Variants in HS6ST3 observed in about 807,000 individuals in gnomAD.
The protein encoded by HS6ST3 is heparan-sulfate 6-O-sulfotransferase 3.
HS6ST3 carries 12 observed loss-of-function variants against 36.7 expected under a neutral mutation model. That is an observed-to-expected ratio of 0.33 (90% CI 0.21 to 0.53). The LOEUF (loss-of-function observed/expected upper bound fraction) is 0.53, where lower values mean the gene tolerates loss of function less well. HS6ST3 is among the 20% of genes least tolerant of loss of function. HS6ST3 has a pLI of 0.95. For missense variants in HS6ST3, 584 were observed against 640.9 expected, an observed-to-expected ratio of 0.91 and a Z score of 0.96; for synonymous variants, 240 against 257.5, an observed-to-expected ratio of 0.93 and a Z score of 0.65.
At chr13:96,652,987 G>C (rs1290118802) in intron 1 of HS6ST3, among the ~76,000 whole-genome samples, 1 of 151,994 alleles carries the variant, frequency 6.6e-6, no homozygotes, top group African/African-American at 2.4e-5. Context: ...ATGGTTGACT[G>C]TTTGTTCTCC....
intron 1 of HS6ST3, among the ~76,000 whole-genome samples, chr13:96,616,723 T>C (rs754761340): frequency 2.0e-5 from 3 of 152,228 alleles, no homozygotes; most frequent in Admixed American, 1.3e-4. Flanking sequence ...ATCTCTGAGG[T>C]AACTTATTAG....
At chr13:96,147,359 T>A (rs913494840) in intron 1 of HS6ST3, among the ~76,000 whole-genome samples, 1 of 152,216 alleles carries the variant, frequency 6.6e-6, no homozygotes, top group Non-Finnish European at 1.5e-5. Flanking sequence ...AGAGGTTCCC[T>A]GGTTTTGGTT....
chr13:96,706,088 T>G (rs907176990), intron 1 of HS6ST3, among the ~76,000 whole-genome samples: 2 of 152,290 alleles, frequency 1.3e-5, no homozygotes, highest in South Asian at 2.1e-4. Flanking sequence ...AAACATAATC[T>G]TAAGTTGTCT....
chr13:96,133,327 TATGTTGG>T (rs2053985271), intron 1 of HS6ST3, among the ~76,000 whole-genome samples: 1 of 152,060 alleles, frequency 6.6e-6, no homozygotes, highest in Non-Finnish European at 1.5e-5. Flanking sequence ...GGAGTTTTAC[TATGTTGG>T]CCAGGCTGGT....
chr13:96,132,662 TC>T (rs1334417679), intron 1 of HS6ST3, among the ~76,000 whole-genome samples: 1 of 152,132 alleles, frequency 6.6e-6, no homozygotes, highest in African/African-American at 2.4e-5. Flanking sequence ...CACCTCAGCC[TC>T]CCAAAGTGCT....
chr13:96,271,495 C>A (rs989162213), intron 1 of HS6ST3, among the ~76,000 whole-genome samples: 46 of 151,830 alleles, frequency 3.0e-4, no homozygotes, highest in African/African-American at 1.1e-3. Context: ...GCCTGTATTC[C>A]CCATGAGTAT....
intron 1 of HS6ST3, among the ~76,000 whole-genome samples, chr13:96,678,573 G>A (rs752560776): frequency 1.4e-4 from 21 of 151,994 alleles, no homozygotes; most frequent in Non-Finnish European, 2.1e-4. Flanking sequence ...TACTCGGGAG[G>A]CTGAGGCAGA....
Position 96,369,056 on chromosome 13 carries a change from A to T in HS6ST3, c.707+277487A>T, listed in dbSNP as rs2055276815. Among the ~76,000 whole-genome samples the T allele has an allele frequency of 4.2e-5, 5 of 118,184 alleles. No homozygotes were observed. In the Admixed American group the frequency reaches 5.7e-4, roughly 14 times the overall value. 77.5% of individuals were successfully genotyped at this position (118,184 alleles called of 152,430 possible). A position where few individuals can be genotyped will look rare whatever the true frequency, so the allele number is the denominator to read the frequency against. Reference sequence around the variant, plus strand: ...ATTAAGTCTGTAAGAGAAAAATGGCATCTCACTGGTGTTGTGGGGGTGGGG... The same window carrying T: ...ATTAAGTCTGTAAGAGAAAAATGGCTTCTCACTGGTGTTGTGGGGGTGGGG... On this transcript the variant is annotated intron_variant, in intron 1 of 1. Transcript: ENST00000376705.
At chr13:96,413,184 T>G (rs2055516551) in intron 1 of HS6ST3, among the ~76,000 whole-genome samples, 1 of 152,222 alleles carries the variant, frequency 6.6e-6, no homozygotes, top group South Asian at 2.1e-4. Flanking sequence ...CATAGTTCTT[T>G]TAATTCGATT....
At chr13:96,808,475 T>A (rs1386843624) in intron 1 of HS6ST3, among the ~76,000 whole-genome samples, 6 of 152,204 alleles carry the variant, frequency 3.9e-5, no homozygotes, top group Non-Finnish European at 5.9e-5. Context: ...ATGGTTCGAA[T>A]TGGCTGTTTT....
At chr13:96,704,081 C>T (rs1161211411) in intron 1 of HS6ST3, among the ~76,000 whole-genome samples, 3 of 152,254 alleles carry the variant, frequency 2.0e-5, no homozygotes, top group East Asian at 1.9e-4. Context: ...TCTTTATAGA[C>T]GTGTGAAAAT....
intron 1 of HS6ST3, among the ~76,000 whole-genome samples, chr13:96,344,624 C>T (rs1052386315): frequency 2.6e-5 from 4 of 152,192 alleles, no homozygotes; most frequent in Admixed American, 2.0e-4. Flanking sequence ...AATTTATCCT[C>T]TCTCCTGTGG....
chr13:96,231,516 G>A (rs566006272), intron 1 of HS6ST3, among the ~76,000 whole-genome samples: 1 of 152,146 alleles, frequency 6.6e-6, no homozygotes, highest in Non-Finnish European at 1.5e-5. Flanking sequence ...GGAGGAAGGC[G>A]GGAGGGGAGG....
At chr13:96,537,491 CT>C (rs2056160488) in intron 1 of HS6ST3, among the ~76,000 whole-genome samples, 1 of 152,194 alleles carries the variant, frequency 6.6e-6, no homozygotes, top group Non-Finnish European at 1.5e-5. Context: ...TGTTAATCCC[CT>C]ATTAGGCATT....
chr13:96,482,441 T>C (rs777534769), intron 1 of HS6ST3, among the ~76,000 whole-genome samples: 1 of 152,042 alleles, frequency 6.6e-6, no homozygotes, highest in Non-Finnish European at 1.5e-5. Context: ...GGTTCACAGT[T>C]CTTGTTTTAT....
chr13:96,366,214 G>A (rs958334146), intron 1 of HS6ST3, among the ~76,000 whole-genome samples: 13 of 151,964 alleles, frequency 8.6e-5, no homozygotes, highest in African/African-American at 2.7e-4. Context: ...GGTGACTCAC[G>A]CCTGTAATCC....
chr13:96,372,765 A>G (rs1188909023), intron 1 of HS6ST3, among the ~76,000 whole-genome samples: 3 of 152,124 alleles, frequency 2.0e-5, no homozygotes, highest in Non-Finnish European at 2.9e-5. Flanking sequence ...TCCCAGCAGT[A>G]TTTATTGAAG....
At chr13:96,316,803 C>T (rs2054972297) in intron 1 of HS6ST3, among the ~76,000 whole-genome samples, 1 of 152,130 alleles carries the variant, frequency 6.6e-6, no homozygotes, top group Admixed American at 6.5e-5. Flanking sequence ...TCTCTACTTT[C>T]TGTATCCCAT....
chr13:96,518,759 T>C (rs1216790784), intron 1 of HS6ST3, among the ~76,000 whole-genome samples: 9 of 152,192 alleles, frequency 5.9e-5, no homozygotes, highest in African/African-American at 1.9e-4. Context: ...ATTGTGTTCC[T>C]GTGATCAGAT....
Sources: allele counts gnomAD v4.1 joint callset (sites outside exome capture counted in the v4.1 genomes callset), GRCh38; gene constraint gnomAD v4.1.1; transcripts MANE v1.5; gene names NCBI Gene and HGNC (gene_info 2026-07-23, HGNC 2026-07-21).